The following CPNE8 variants were observed in gnomAD, a reference collection of about 807,000 sequenced individuals.
The protein encoded by CPNE8 is copine 8.
A neutral mutation model predicts 81.5 loss-of-function variants in CPNE8; 45 were observed. That is an observed-to-expected ratio of 0.55 (90% CI 0.44 to 0.71). The LOEUF (loss-of-function observed/expected upper bound fraction) is 0.71. Among genes scored for constraint, CPNE8 ranks in the 30% least tolerant of loss-of-function variants. The pLI is 0.00. For missense variants in CPNE8, 594 were observed against 672.1 expected, an observed-to-expected ratio of 0.88 and a Z score of 1.28; for synonymous variants, 252 against 226.3, an observed-to-expected ratio of 1.11 and a Z score of -1.02.
intron 10 of CPNE8, 66 bp downstream of exon 10, chr12:38,760,781 C>A (rs1233985189): frequency 2.5e-6 from 3 of 1,208,306 alleles, no homozygotes; most frequent in African/African-American, 3.1e-5. Context: ...AAAATGTGGT[C>A]ATTTCAATGT....
At chr12:38,672,421 G>C (rs371156728) in intron 18 of CPNE8, among the ~76,000 whole-genome samples, 116 of 152,296 alleles carry the variant, frequency 7.6e-4, no homozygotes, top group African/African-American at 2.6e-3. Flanking sequence ...GAGATGGTGT[G>C]TAAGTGGTGG....
chr12:38,735,658 C>CT lies in CPNE8; in HGVS notation c.723-5301dup, dbSNP rs534227914. On this transcript the variant is annotated intron_variant, in intron 10 of 19. Coordinates refer to ENST00000331366, the MANE Select transcript of CPNE8 (RefSeq NM_153634.3). ...AGTTAAAACATCAACACAATCAAGCCTTTTTTTTCCTTTTAACTTCTTCAA... is the reference window on the plus strand; with the variant it reads ...AGTTAAAACATCAACACAATCAAGCCTTTTTTTTTCCTTTTAACTTCTTCAA... Among the ~76,000 whole-genome samples, 351 of 151,742 alleles carry CT rather than the reference C, an allele frequency of 2.3e-3. 1 individual carries two copies. Among genetic ancestry groups the CT allele is most frequent in the African/African-American group, 8.2e-3 (338 of 41,444 alleles).
chr12:38,903,296 C>T (rs991494126), intron 1 of CPNE8, among the ~76,000 whole-genome samples: 1 of 152,134 alleles, frequency 6.6e-6, no homozygotes, highest in African/African-American at 2.4e-5. Flanking sequence ...GGCAGAGATG[C>T]TTGACACTAA....
At chr12:38,762,071 A>T (rs748672309) in intron 9 of CPNE8, 41 bp downstream of exon 9, 6 of 1,056,698 alleles carry the variant, frequency 5.7e-6, no homozygotes, top group Non-Finnish European at 7.8e-6. Context: ...AGATTTTTTT[A>T]AAAGTTATTT....
intron 6 of CPNE8, among the ~76,000 whole-genome samples, chr12:38,810,327 A>C (rs888287711): frequency 5.9e-5 from 9 of 152,318 alleles, no homozygotes; most frequent in Admixed American, 6.5e-5. Context: ...TCTAGAGATC[A>C]CATATTCAGT....
At chr12:38,829,677 T>A (rs752258297) in intron 5 of CPNE8, among the ~76,000 whole-genome samples, 3 of 152,242 alleles carry the variant, frequency 2.0e-5, no homozygotes, top group Non-Finnish European at 4.4e-5. Flanking sequence ...TATTCTGAGT[T>A]CACAGGCATT....
chr12:38,735,164 C>A (rs1013454981), intron 10 of CPNE8, among the ~76,000 whole-genome samples: 1 of 151,994 alleles, frequency 6.6e-6, no homozygotes, highest in African/African-American at 2.4e-5. Flanking sequence ...GCAGTGATTT[C>A]CCACATTTCC....
intron 11 of CPNE8, among the ~76,000 whole-genome samples, chr12:38,729,752 T>C (rs542888967): frequency 3.7e-4 from 57 of 152,186 alleles, no homozygotes; most frequent in Non-Finnish European, 6.2e-4. Context: ...ATATGCTCAA[T>C]ACATATTTGG....
intron 1 of CPNE8, among the ~76,000 whole-genome samples, chr12:38,904,582 T>C (rs1332621133): frequency 6.6e-6 from 1 of 151,232 alleles, no homozygotes; most frequent in Non-Finnish European, 1.5e-5. Flanking sequence ...GATTCTCCTG[T>C]CTCAGTCTCC....
chr12:38,847,579 T>G (rs1943579281), intron 4 of CPNE8, among the ~76,000 whole-genome samples: 1 of 152,192 alleles, frequency 6.6e-6, no homozygotes. Context: ...TAATAAATTT[T>G]GTTTGATAAA....
chr12:38,899,568 C>G (rs542104065), intron 1 of CPNE8, among the ~76,000 whole-genome samples: 2 of 152,306 alleles, frequency 1.3e-5, no homozygotes, highest in East Asian at 3.9e-4. Flanking sequence ...TTTACCTTTT[C>G]CAAAAGTCCA....
chr12:38,750,554 G>A (rs1454709339), intron 10 of CPNE8, among the ~76,000 whole-genome samples: 2 of 152,226 alleles, frequency 1.3e-5, no homozygotes, highest in African/African-American at 2.4e-5. Flanking sequence ...GAGACACGGA[G>A]TCAAACGAGA....
chr12:38,832,441 T>A (rs1281939183), intron 5 of CPNE8, among the ~76,000 whole-genome samples: 3 of 152,044 alleles, frequency 2.0e-5, no homozygotes, highest in African/African-American at 7.2e-5. Context: ...ATGGCAGACA[T>A]GAAAAGCACA....
At chr12:38,670,915 A>T in intron 18 of CPNE8, 113 bp from the exon 19 acceptor site, 2 of 676,636 alleles carry the variant, frequency 3.0e-6, no homozygotes, top group Non-Finnish European at 5.0e-6. Context: ...ATGAAAAGAC[A>T]GAAAGCATGT....
intron 6 of CPNE8, among the ~76,000 whole-genome samples, chr12:38,791,684 C>T (rs1430991260): frequency 6.6e-6 from 1 of 151,322 alleles, no homozygotes; most frequent in African/African-American, 2.4e-5. Flanking sequence ...TATAGAACAA[C>T]CAGACAAAAG....
intron 10 of CPNE8, among the ~76,000 whole-genome samples, chr12:38,743,439 C>T (rs543582569): frequency 6.3e-4 from 95 of 151,932 alleles, no homozygotes; most frequent in African/African-American, 2.2e-3. Context: ...AACTATAATG[C>T]AAAAATGATC....
chr12:38,661,547 A>AT lies in CPNE8; in HGVS notation c.1507-7478dup, dbSNP rs544341362. 1.7e-3 allele frequency among the ~76,000 whole-genome samples: 260 copies of AT among 152,208 alleles called. 3 individuals carry two copies. The highest frequency in any genetic ancestry group is 5.9e-3 in the African/African-American group (246 of 41,524). On this transcript the variant is annotated intron_variant, in intron 19 of 19. Coordinates refer to ENST00000331366, the MANE Select transcript of CPNE8 (RefSeq NM_153634.3). ...GGTGCAGCAAACCAACATGGCACAT[A>AT]TATACCTATGTAACAAACCTGCACG...
intron 1 of CPNE8, among the ~76,000 whole-genome samples, chr12:38,891,223 G>A (rs937486914): frequency 5.9e-5 from 9 of 151,608 alleles, no homozygotes; most frequent in South Asian, 2.1e-4. Context: ...GAGCCACTGC[G>A]CCTGGCCAAA....
chr12:38,764,387 G>A (rs2136859320), intron 8 of CPNE8, among the ~76,000 whole-genome samples: 1 of 151,944 alleles, frequency 6.6e-6, no homozygotes, highest in Non-Finnish European at 1.5e-5. Flanking sequence ...GGAGGCCGAG[G>A]CGGGCGGATC....
Sources: gnomAD v4.1 joint callset for allele counts (sites outside exome capture counted in the v4.1 genomes callset) on GRCh38, gnomAD v4.1.1 for gene constraint, MANE v1.5 for transcripts, NCBI Gene and HGNC (gene_info 2026-07-23, HGNC 2026-07-21) for gene names.